The following L3MBTL3 variants were observed in gnomAD, a reference collection of about 807,000 sequenced individuals.
L3MBTL3 encodes the protein L3MBTL histone methyl-lysine binding protein 3, also known as lethal(3)malignant brain tumor-like protein 3.
L3MBTL3 carries 27 observed loss-of-function variants against 102.3 expected under a neutral mutation model. That is an observed-to-expected ratio of 0.26 (90% CI 0.19 to 0.36). The LOEUF (loss-of-function observed/expected upper bound fraction) is 0.36, where lower values mean the gene tolerates loss of function less well. Among genes scored for constraint, L3MBTL3 ranks in the 10% least tolerant of loss-of-function variants. The pLI is 1.00. For synonymous variants in L3MBTL3, 340 were observed against 320.9 expected (o/e 1.06, Z -0.64); for missense variants, 798 against 955.3 (o/e 0.84, Z 2.17).
At position 130,133,729 on chromosome 6, in the gene L3MBTL3, A is replaced by G; in HGVS notation, c.2136+108A>G. The G allele has an allele frequency of 6.7e-7, 1 of 1,487,704 alleles. No individual in the cohort carries two copies. Among genetic ancestry groups the G allele is most frequent in the Non-Finnish European group, 9.2e-7 (1 of 1,083,146 alleles). The allele number at this position is 1,487,704 out of a possible 1,614,324, so 92.2% of individuals were successfully genotyped here. A position where few individuals can be genotyped will look rare whatever the true frequency, so the allele number is the denominator to read the frequency against. ...TTTAGTCTTTTTTTTTCTGAAAGAG[A>G]AGAAATTATTGTGAGAGAAATAACT... On this transcript the variant is annotated intron_variant, in intron 21 of 22. Coordinates refer to ENST00000361794, the MANE Select transcript of L3MBTL3 (RefSeq NM_032438.4). This position sits in a 1 kb window ranked among gnomAD's most constrained non-coding sequence, Gnocchi z 4.9.
chr6:130,087,397 T>A (rs894671706), intron 16 of L3MBTL3, among the ~76,000 whole-genome samples: 19 of 152,104 alleles, frequency 1.2e-4, no homozygotes, highest in Admixed American at 5.2e-4. Context: ...AAGTATTTTT[T>A]AAAATAAAAT....
chr6:130,020,123 C>T (rs1250462234), intron 1 of L3MBTL3, among the ~76,000 whole-genome samples: 1 of 150,250 alleles, frequency 6.7e-6, no homozygotes, highest in African/African-American at 2.5e-5. Flanking sequence ...GGGCCGGGGC[C>T]GGCGCCGGGG....
chr6:130,065,407 CAT>C (rs2114953480), intron 10 of L3MBTL3, among the ~76,000 whole-genome samples: 1 of 152,310 alleles, frequency 6.6e-6, no homozygotes, highest in South Asian at 2.1e-4. Context: ...TGGACCCCCA[CAT>C]GTCTAATTTT....
intron 6 of L3MBTL3, among the ~76,000 whole-genome samples, chr6:130,052,209 CA>C (rs1450193108): frequency 2.0e-5 from 3 of 151,946 alleles, no homozygotes; most frequent in African/African-American, 4.8e-5. Flanking sequence ...CAGGTTCAAG[CA>C]ATTCACCTGC....
At chr6:130,119,973 T>A (rs566362056) in intron 19 of L3MBTL3, among the ~76,000 whole-genome samples, 1 of 152,336 alleles carries the variant, frequency 6.6e-6, no homozygotes, top group South Asian at 2.1e-4. Context: ...TCAAATGTAT[T>A]TGCCCCGTTA....
chr6:130,081,577 C>G lies in L3MBTL3; in HGVS notation c.1322-2043C>G, dbSNP rs1016873483. ...GGGACTACAGGCACGTGTTACCACA[C>G]CTGGCTATTTTTTTTTTTTTGCATT... On this transcript the variant is annotated intron_variant, in intron 14 of 22. Transcript: ENST00000361794. Among the ~76,000 whole-genome samples, 16 of 134,184 alleles carry G rather than the reference C, an allele frequency of 1.2e-4. No individual in the cohort carries two copies. The South Asian group carries it at 3.2e-3, about 27-fold the overall frequency. The allele number at this position is 134,184 out of a possible 152,430, so 88.0% of individuals were successfully genotyped here.
chr6:130,057,762 A>G (rs1306249936), intron 9 of L3MBTL3, among the ~76,000 whole-genome samples: 4 of 152,224 alleles, frequency 2.6e-5, no homozygotes, highest in Admixed American at 6.5e-5. Flanking sequence ...GAATTTTAAC[A>G]GAGATACCAA....
At position 130,088,112 on chromosome 6, in the gene L3MBTL3, A is replaced by T. The variant is rs116993899; in HGVS notation, c.1518+1862A>T. Among the ~76,000 whole-genome samples, 11 of 152,278 alleles carry T rather than the reference A, an allele frequency of 7.2e-5. No homozygotes were observed. The East Asian group carries it at 2.1e-3, about 29-fold the overall frequency. On this transcript the variant is annotated intron_variant, in intron 16 of 22. Coordinates refer to ENST00000361794, the MANE Select transcript of L3MBTL3 (RefSeq NM_032438.4). ...AAGTGTAGACTAGAATCCACCTCTT[A>T]CTTCTAGCTGGATTCTCTAATACAA...
intron 2 of L3MBTL3, among the ~76,000 whole-genome samples, chr6:130,022,732 A>G (rs1239780299): frequency 1.3e-5 from 2 of 152,196 alleles, no homozygotes; most frequent in African/African-American, 4.8e-5. Flanking sequence ...TGAAATTTAC[A>G]TTGGGTGCTT....
In L3MBTL3 at chr6:130,118,557, CAG is replaced by C. The variant is rs367815210; in HGVS notation, c.1887-2321_1887-2320del. On this transcript the variant is annotated intron_variant, in intron 19 of 22. Coordinates refer to ENST00000361794, the MANE Select transcript of L3MBTL3 (RefSeq NM_032438.4). The stretch of plus-strand genomic sequence containing the variant: ...CTAAAGGAAACAGCACATAGAACCT[CAG>C]GGGTATAGGCGCTTTTAATTTGAAG... 1.7e-3 allele frequency among the ~76,000 whole-genome samples: 258 copies of C among 152,302 alleles called. 2 individuals carry two copies. Among genetic ancestry groups the C allele is most frequent in the Middle Eastern group, 6.8e-3 (2 of 294 alleles).
chr6:130,138,971 G>A (rs1255729173), intron 22 of L3MBTL3, among the ~76,000 whole-genome samples: 1 of 152,060 alleles, frequency 6.6e-6, no homozygotes, highest in African/African-American at 2.4e-5. Flanking sequence ...AGAGAGGAAG[G>A]GTCTTTCTCA....
At chr6:130,046,801 C>A (rs1780750227) in intron 3 of L3MBTL3, among the ~76,000 whole-genome samples, 1 of 152,096 alleles carries the variant, frequency 6.6e-6, no homozygotes. Flanking sequence ...ATTCCAAAAC[C>A]ATTTGTAAAA....
intron 17 of L3MBTL3, among the ~76,000 whole-genome samples, chr6:130,093,066 A>G (rs1162631614): frequency 6.6e-6 from 1 of 152,246 alleles, no homozygotes; most frequent in Non-Finnish European, 1.5e-5. Context: ...TAAAGCGTGT[A>G]TAGACATTCT....
chr6:130,108,947 A>T (rs1785173663), intron 19 of L3MBTL3, among the ~76,000 whole-genome samples: 1 of 152,044 alleles, frequency 6.6e-6, no homozygotes, highest in African/African-American at 2.4e-5. Context: ...ATGAGTGAGA[A>T]CGTGTGGTGT....
intron 19 of L3MBTL3, among the ~76,000 whole-genome samples, chr6:130,120,063 T>G (rs2115484755): frequency 6.6e-6 from 1 of 152,292 alleles, no homozygotes; most frequent in Middle Eastern, 3.4e-3. Flanking sequence ...TATGAAACAG[T>G]AGCACATCAT....
chr6:130,073,299 G>T (rs370704498), intron 13 of L3MBTL3, among the ~76,000 whole-genome samples: 6 of 152,076 alleles, frequency 3.9e-5, no homozygotes, highest in African/African-American at 7.2e-5. Flanking sequence ...ATGGGTGAGT[G>T]GATGAGAAAA....
At chr6:130,022,925 G>A (rs1006571777) in intron 2 of L3MBTL3, among the ~76,000 whole-genome samples, 1 of 152,160 alleles carries the variant, frequency 6.6e-6, no homozygotes, top group African/African-American at 2.4e-5. Context: ...ATTTTGGAGG[G>A]TGTTGGCTTC....
At chr6:130,123,452 A>C (rs906246807) in intron 20 of L3MBTL3, among the ~76,000 whole-genome samples, 3 of 152,058 alleles carry the variant, frequency 2.0e-5, no homozygotes, top group African/African-American at 7.2e-5. Flanking sequence ...AGCTTCATAA[A>C]ATAAGTTGTT....
At chr6:130,130,697 G>A (rs959060736) in intron 20 of L3MBTL3, among the ~76,000 whole-genome samples, 3 of 152,156 alleles carry the variant, frequency 2.0e-5, no homozygotes, top group African/African-American at 7.2e-5. Context: ...CACCTTTGAG[G>A]TTGATTGGAT....
Sources: allele counts gnomAD v4.1 joint callset (sites outside exome capture counted in the v4.1 genomes callset), GRCh38; gene constraint gnomAD v4.1.1; non-coding constraint Gnocchi (gnomAD v3.1); transcripts MANE v1.5; gene names NCBI Gene and HGNC (gene_info 2026-07-23, HGNC 2026-07-21).